The following CASK variants were observed in gnomAD, a reference collection of about 807,000 sequenced individuals.
CASK encodes the protein peripheral plasma membrane protein CASK.
CASK carries 4 observed loss-of-function variants against 82.9 expected under a neutral mutation model. That is an observed-to-expected ratio of 0.05 (90% CI 0.02 to 0.11). CASK has a LOEUF of 0.11. CASK is among the 10% of genes least tolerant of loss of function. The pLI is 1.00. For synonymous variants in CASK, 259 were observed against 253.5 expected (o/e 1.02, Z -0.20); for missense variants, 358 against 720.9 (o/e 0.50, Z 5.76).
intron 2 of CASK, among the ~76,000 whole-genome samples, chrX:41,805,076 C>T (rs928595078): frequency 9.0e-6 from 1 of 111,468 alleles, no homozygotes; most frequent in African/African-American, 3.3e-5. Context: ...ATTAAAATGG[C>T]CTTTTCTTGT....
intron 5 of CASK, chrX:41,695,880 C>T (rs750045503): frequency 8.3e-7 from 1 of 1,208,308 alleles, no homozygotes; most frequent in Admixed American, 2.2e-5. Context: ...TCTGGGTATT[C>T]ACCGTAAAAG....
chrX:41,825,213 A>G (rs144995958), intron 2 of CASK, among the ~76,000 whole-genome samples: 3,484 of 111,438 alleles, frequency 0.031, 137 homozygotes, highest in African/African-American at 0.11. Flanking sequence ...CCTACTCTGT[A>G]CCAACAAAAA....
intron 8 of CASK, among the ~76,000 whole-genome samples, chrX:41,641,035 G>C (rs2066643122): frequency 1.0e-5 from 1 of 97,302 alleles, no homozygotes; most frequent in African/African-American, 3.8e-5. Flanking sequence ...GCCCAGGCTG[G>C]AGTGCAGTAG....
At chrX:41,690,699 G>A (rs1364490597) in intron 5 of CASK, among the ~76,000 whole-genome samples, 1 of 99,957 alleles carries the variant, frequency 1.0e-5, no homozygotes, top group Non-Finnish European at 2.0e-5. Flanking sequence ...TTTGAGACAA[G>A]GTCTTACTCC....
At chrX:41,532,410 C>A (rs760360779) in intron 24 of CASK, among the ~76,000 whole-genome samples, 2 of 112,017 alleles carry the variant, frequency 1.8e-5, no homozygotes, top group Admixed American at 9.4e-5. Flanking sequence ...AAAAGGCTTG[C>A]CCACCCCTCA....
intron 2 of CASK, among the ~76,000 whole-genome samples, chrX:41,801,495 T>C (rs1255809510): frequency 8.9e-6 from 1 of 112,089 alleles, no homozygotes; most frequent in African/African-American, 3.2e-5. Flanking sequence ...AATCCCTTCT[T>C]GACATCTTTT....
intron 2 of CASK, among the ~76,000 whole-genome samples, chrX:41,831,152 C>CT (rs1214390544): frequency 9.0e-6 from 1 of 110,913 alleles, no homozygotes; most frequent in African/African-American, 3.3e-5. Flanking sequence ...AAACAAAACT[C>CT]TCTACCTTCA....
At chrX:41,900,286 T>G (rs1051851023) in intron 1 of CASK, among the ~76,000 whole-genome samples, 2 of 111,470 alleles carry the variant, frequency 1.8e-5, no homozygotes, top group Admixed American at 1.9e-4. Flanking sequence ...ATCTGGATGT[T>G]CATTCATGTC....
At chrX:41,853,013 C>A in intron 2 of CASK, 102 bp downstream of exon 2, 1 of 551,475 alleles carries the variant, frequency 1.8e-6, no homozygotes, top group East Asian at 3.5e-5. Context: ...TACATCATAC[C>A]CTCTGCTTCC....
Position 41,549,151 on chromosome X carries a change from A to T in CASK, c.2039+4568T>A, listed in dbSNP as rs1459269930. Among the ~76,000 whole-genome samples, 3 of 111,996 alleles carry T rather than the reference A, an allele frequency of 2.7e-5. No homozygotes were observed. In the East Asian group the frequency reaches 8.4e-4, roughly 31 times the overall value. ...TTGGGTCCGAAAAAACTGATTTCTC[A>T]TCTAGAAAATGTGAAGAATGTGACT... On this transcript the variant is annotated intron_variant, in intron 21 of 26. Transcript: ENST00000378163.
chrX:41,704,168 A>T (rs988336561), intron 5 of CASK, among the ~76,000 whole-genome samples: 2 of 111,358 alleles, frequency 1.8e-5, no homozygotes, highest in Admixed American at 9.6e-5. Flanking sequence ...AACTTCTAAC[A>T]CTATGCACTT....
At chrX:41,767,411 T>C (rs1281250350) in intron 3 of CASK, among the ~76,000 whole-genome samples, 1 of 111,721 alleles carries the variant, frequency 9.0e-6, no homozygotes, top group Non-Finnish European at 1.9e-5. Context: ...AGTTCCTGTA[T>C]ACCACTAAAT....
chrX:41,696,451 T>C (rs777149127), intron 5 of CASK: 9 of 1,198,664 alleles, frequency 7.5e-6, no homozygotes, highest in Admixed American at 6.6e-5. Context: ...ATTGTACTTA[T>C]CATTTTTACT....
At chrX:41,530,254 G>C (rs1005606809) in intron 25 of CASK, among the ~76,000 whole-genome samples, 11 of 111,580 alleles carry the variant, frequency 9.9e-5, no homozygotes, top group Middle Eastern at 4.6e-3. Context: ...TATCTACTTG[G>C]TTTGTACTCA....
chrX:41,773,190 C>T (rs2069279136), intron 3 of CASK, among the ~76,000 whole-genome samples: 1 of 108,827 alleles, frequency 9.2e-6, no homozygotes, highest in Non-Finnish European at 1.9e-5. Context: ...CTGAGACCAG[C>T]CTGGGCAACA....
intron 8 of CASK, among the ~76,000 whole-genome samples, chrX:41,657,521 C>CT (rs1176759848): frequency 1.3e-4 from 14 of 107,243 alleles, no homozygotes; most frequent in South Asian, 4.0e-4. Flanking sequence ...TTTTATATTT[C>CT]TTTTTTTTTT....
intron 5 of CASK, among the ~76,000 whole-genome samples, chrX:41,705,143 T>A (rs1001477830): frequency 8.9e-6 from 1 of 112,385 alleles, no homozygotes; most frequent in African/African-American, 3.2e-5. Context: ...TCACTAATAA[T>A]AGCAATGTCC....
chrX:41,589,943 C>T (rs778376787), intron 12 of CASK: 12 of 202,759 alleles, frequency 5.9e-5, no homozygotes, highest in Non-Finnish European at 7.3e-5. Context: ...TGAAAGAATG[C>T]TTTCTGGCCA....
intron 11 of CASK, among the ~76,000 whole-genome samples, chrX:41,610,394 A>G (rs770729819): frequency 1.8e-5 from 2 of 111,945 alleles, no homozygotes; most frequent in South Asian, 7.5e-4. Context: ...ATATTATAGA[A>G]ACGAGGTTGG....
Sources: gnomAD v4.1 joint callset for allele counts (sites outside exome capture counted in the v4.1 genomes callset) on GRCh38, gnomAD v4.1.1 for gene constraint, MANE v1.5 for transcripts, NCBI Gene and HGNC (gene_info 2026-07-23, HGNC 2026-07-21) for gene names.